The following MYO5A variants were observed in gnomAD, a reference collection of about 807,000 sequenced individuals.
MYO5A encodes the protein myosin VA, also known as unconventional myosin-Va.
A neutral mutation model predicts 249.7 loss-of-function variants in MYO5A; 98 were observed. That is an observed-to-expected ratio of 0.39 (90% CI 0.33 to 0.46). The LOEUF is 0.46. Ranked by LOEUF, MYO5A falls within the 20% of genes least tolerant of loss-of-function variation. The pLI, the probability that MYO5A is intolerant of heterozygous loss-of-function variation, is 0.98. For missense variants in MYO5A, 1,696 were observed against 2,308.8 expected, an observed-to-expected ratio of 0.73 and a Z score of 5.44; for synonymous variants, 778 against 810.6, an observed-to-expected ratio of 0.96 and a Z score of 0.68.
At chr15:52,320,740 G>C (rs1479046537) in intron 38 of MYO5A, among the ~76,000 whole-genome samples, 1 of 152,168 alleles carries the variant, frequency 6.6e-6, no homozygotes, top group Non-Finnish European at 1.5e-5. Flanking sequence ...TAGGCTGGGT[G>C]CAGGGGCTCA....
chr15:52,439,682 G>C (rs975308865), intron 1 of MYO5A, among the ~76,000 whole-genome samples: 1 of 152,214 alleles, frequency 6.6e-6, no homozygotes, highest in African/African-American at 2.4e-5. Flanking sequence ...AAGCAGGGTT[G>C]AGATGGGGCA....
intron 1 of MYO5A, among the ~76,000 whole-genome samples, chr15:52,470,548 G>A (rs2076440766): frequency 6.6e-6 from 1 of 152,118 alleles, no homozygotes; most frequent in Admixed American, 6.5e-5. Flanking sequence ...TACTCGGGAG[G>A]CTGAGGCAGG....
chr15:52,476,847 T>G (rs1355896217), intron 1 of MYO5A, among the ~76,000 whole-genome samples: 3 of 152,208 alleles, frequency 2.0e-5, no homozygotes, highest in Non-Finnish European at 4.4e-5. Flanking sequence ...ATTTCAACTT[T>G]GGTGAATCTG....
rs12593477 is a variant in MYO5A at position 52,346,775 on chromosome 15, A to T, written c.3859-314T>A. On this transcript the variant is annotated intron_variant, in intron 29 of 41. Coordinates refer to ENST00000399233, the MANE Select transcript of MYO5A (RefSeq NM_001382347.1). ...ATGTGTTTTACATTATGTGAAAAAA[A>T]ATATATATATATTTTATAAAGTATA... Among the ~76,000 whole-genome samples, 25,216 of 132,096 alleles carry T rather than the reference A, an allele frequency of 0.19. 2,689 individuals are homozygous for T. The highest frequency in any genetic ancestry group is 0.55 in the East Asian group (2,792 of 5,036). 86.7% of individuals were successfully genotyped at this position (132,096 alleles called of 152,430 possible). A position where few individuals can be genotyped will look rare whatever the true frequency, so the allele number is the denominator to read the frequency against.
chr15:52,474,285 G>A (rs1040326193), intron 1 of MYO5A, among the ~76,000 whole-genome samples: 3 of 152,156 alleles, frequency 2.0e-5, no homozygotes, highest in Non-Finnish European at 4.4e-5. Context: ...AAGGAGATTT[G>A]GGGCTGAGAC....
intron 1 of MYO5A, among the ~76,000 whole-genome samples, chr15:52,525,888 C>T (rs183604594): frequency 3.3e-5 from 5 of 152,146 alleles, no homozygotes; most frequent in Non-Finnish European, 7.3e-5. Flanking sequence ...CCTATAGATT[C>T]AAAGTGGGTC....
rs1224970964 is a variant in MYO5A, at chr15:52,460,199, A to C, written c.28-26914T>G. 3.3e-5 allele frequency among the ~76,000 whole-genome samples: 5 copies of C among 151,448 alleles called. No homozygotes were observed. In the East Asian group the frequency reaches 9.8e-4, roughly 30 times the overall value. On this transcript the variant is annotated intron_variant, in intron 1 of 41. Transcript: ENST00000399233. ...GGCAGAGGGGCTCCTCACATCCCAGACGATGGGCGGCCAGGCCGAGACGCT... is the reference window on the plus strand; with the variant it reads ...GGCAGAGGGGCTCCTCACATCCCAGCCGATGGGCGGCCAGGCCGAGACGCT...
At chr15:52,416,438 G>C (rs756767208) in intron 4 of MYO5A, 137 bp from the exon 5 acceptor site, 8 of 822,090 alleles carry the variant, frequency 9.7e-6, no homozygotes, top group Non-Finnish European at 1.6e-5. Flanking sequence ...ATAACACCAA[G>C]GTCTCAGGTT....
intron 25 of MYO5A, among the ~76,000 whole-genome samples, chr15:52,354,908 T>G (rs536531061): frequency 6.6e-6 from 1 of 152,148 alleles, no homozygotes; most frequent in African/African-American, 2.4e-5. Flanking sequence ...AAATATATCT[T>G]AAAGTATTAC....
At chr15:52,437,531 G>A (rs1289869274) in intron 1 of MYO5A, among the ~76,000 whole-genome samples, 1 of 147,678 alleles carries the variant, frequency 6.8e-6, no homozygotes. Flanking sequence ...GGAGGTGGAG[G>A]TTGCAGTGAG....
chr15:52,450,691 A>G (rs111466394), intron 1 of MYO5A, among the ~76,000 whole-genome samples: 22,383 of 150,912 alleles, frequency 0.15, 1,780 homozygotes, highest in Middle Eastern at 0.21. Context: ...AAAATTTAGA[A>G]ACAAGGTCTC....
intron 2 of MYO5A, among the ~76,000 whole-genome samples, chr15:52,431,684 TAA>T (rs56264450): frequency 0.035 from 4,911 of 140,504 alleles, 95 homozygotes; most frequent in Non-Finnish European, 0.051. Context: ...GTGCTATATC[TAA>T]AAAAAAAAAA....
chr15:52,316,358 A>G (rs1342141216), intron 40 of MYO5A, among the ~76,000 whole-genome samples: 2 of 152,120 alleles, frequency 1.3e-5, no homozygotes, highest in African/African-American at 4.8e-5. Context: ...ATAATCCTCA[A>G]ATGCCCTTCT....
At chr15:52,486,417 C>T (rs937133808) in intron 1 of MYO5A, among the ~76,000 whole-genome samples, 3 of 152,194 alleles carry the variant, frequency 2.0e-5, no homozygotes, top group Non-Finnish European at 2.9e-5. Flanking sequence ...TGTCTGGCCC[C>T]GACTTTCATT....
intron 14 of MYO5A, among the ~76,000 whole-genome samples, chr15:52,386,739 GGTTTTGCCAT>G (rs1224532709): frequency 6.6e-6 from 1 of 151,952 alleles, no homozygotes; most frequent in Non-Finnish European, 1.5e-5. Flanking sequence ...GTAGACATGG[GGTTTTGCCAT>G]GTTGCTCAGG....
At chr15:52,440,005 A>G (rs933890335) in intron 1 of MYO5A, among the ~76,000 whole-genome samples, 9 of 152,270 alleles carry the variant, frequency 5.9e-5, no homozygotes, top group African/African-American at 2.2e-4. Context: ...TTTAACCTGC[A>G]TAATAGCTTG....
At chr15:52,399,614 A>G (rs1298561514) in intron 9 of MYO5A, among the ~76,000 whole-genome samples, 8 of 151,804 alleles carry the variant, frequency 5.3e-5, no homozygotes, top group Admixed American at 3.3e-4. Context: ...TCTATATTTT[A>G]GGAATGCTTC....
rs150095731 is a variant in MYO5A, at chr15:52,383,072, G to A, written c.2012+19C>T. On this transcript the variant is annotated intron_variant, in intron 16 of 41. Transcript: ENST00000399233. ...TATAAGATATGTACTTTTTCACTGGGTGGTTCAGAAATACTTACGTGAATG... is the reference window on the plus strand; with the variant it reads ...TATAAGATATGTACTTTTTCACTGGATGGTTCAGAAATACTTACGTGAATG... The A allele has an allele frequency of 7.8e-5, 122 of 1,571,730 alleles. No individual in the cohort carries two copies. In the African/African-American group the frequency reaches 1.6e-3, roughly 21 times the overall value.
chr15:52,471,329 T>G (rs2141451606), intron 1 of MYO5A, among the ~76,000 whole-genome samples: 1 of 151,996 alleles, frequency 6.6e-6, no homozygotes, highest in South Asian at 2.1e-4. Context: ...CGGGGCCAGG[T>G]GCAGTGGCTC....
Sources: gnomAD v4.1 joint callset for allele counts (sites outside exome capture counted in the v4.1 genomes callset) on GRCh38, gnomAD v4.1.1 for gene constraint, MANE v1.5 for transcripts, NCBI Gene and HGNC (gene_info 2026-07-23, HGNC 2026-07-21) for gene names.